Variants in ZXDC observed in about 807,000 individuals in gnomAD.
ZXDC encodes the protein zinc finger protein ZXDC.
A neutral mutation model predicts 63.6 loss-of-function variants in ZXDC; 58 were observed. That is an observed-to-expected ratio of 0.91 (90% confidence interval 0.74 to 1.13). ZXDC has a LOEUF of 1.13. Ranked by LOEUF, ZXDC falls within the 50% of genes most tolerant of loss-of-function variation. ZXDC has a pLI of 0.00. For synonymous variants in ZXDC, 561 were observed against 496.1 expected (o/e 1.13, Z -1.74); for missense variants, 1,133 against 1,148.9 (o/e 0.99, Z 0.20).
chr3:126,451,889 G>A (rs1452492729), intron 7 of ZXDC: 1 of 984,860 alleles, frequency 1.0e-6, no homozygotes, highest in Non-Finnish European at 1.2e-6. Flanking sequence ...ACCTCATAGG[G>A]TTTTTGTGAG....
At position 126,438,272 on chromosome 3, in the gene ZXDC, T is replaced by A. The variant is rs2107623128; in HGVS notation, c.*103A>T. 1.0e-6 allele frequency: 1 copy of A among 970,024 alleles called. No homozygotes were observed. Among genetic ancestry groups the A allele is most frequent in the East Asian group, 2.6e-5 (1 of 38,356 alleles). 60.1% of individuals were successfully genotyped at this position (970,024 alleles called of 1,614,324 possible). ...AGTCTCAAAAGGGCTACGCTGGTCTTCTGAACGGAAACCAAATGAGGTCTC... is the reference window on the plus strand; with the variant it reads ...AGTCTCAAAAGGGCTACGCTGGTCTACTGAACGGAAACCAAATGAGGTCTC... On this transcript the variant is annotated 3_prime_UTR_variant, in exon 10 of 10. Coordinates refer to ENST00000389709, the MANE Select transcript of ZXDC (RefSeq NM_025112.5).
intron 7 of ZXDC, chr3:126,452,985 A>G (rs1934165961): frequency 1.0e-6 from 1 of 982,210 alleles, no homozygotes; most frequent in African/African-American, 1.8e-5. Context: ...CAATACTCCC[A>G]CCTCAGCCTC....
In ZXDC at chr3:126,453,787, C is replaced by T. The variant is rs565603475; in HGVS notation, c.2212+5866G>A. On this transcript the variant is annotated intron_variant, in intron 7 of 9. Transcript: ENST00000389709. ...TTGGCTCACTGCAACCTCTGCCTCC[C>T]GGGTTCAAGCGATTCTCCTGCCTCA... 3.0e-3 allele frequency: 2,928 copies of T among 977,382 alleles called. 5 individuals are homozygous for T. Among genetic ancestry groups the T allele is most frequent in the Non-Finnish European group, 3.4e-3 (2,780 of 823,672 alleles). 60.5% of individuals were successfully genotyped at this position (977,382 alleles called of 1,614,324 possible).
At chr3:126,473,369 G>C (rs1041569693) in intron 1 of ZXDC, among the ~76,000 whole-genome samples, 7 of 152,230 alleles carry the variant, frequency 4.6e-5, no homozygotes, top group Non-Finnish European at 8.8e-5. Context: ...ACTCAGGTCT[G>C]GGCCCTTTGA....
chr3:126,465,414 A>G (rs1934716796), intron 5 of ZXDC, among the ~76,000 whole-genome samples: 1 of 152,250 alleles, frequency 6.6e-6, no homozygotes, highest in Non-Finnish European at 1.5e-5. Flanking sequence ...ACAGGTCACC[A>G]GGCCACCGTC....
intron 6 of ZXDC, chr3:126,460,247 G>GTCTGACTC: frequency 2.8e-6 from 2 of 703,808 alleles, no homozygotes; most frequent in Non-Finnish European, 3.5e-6. Context: ...TCAGGAACTT[G>GTCTGACTC]CCTGAGGGAG....
intron 7 of ZXDC, among the ~76,000 whole-genome samples, chr3:126,449,883 G>A (rs530670080): frequency 1.4e-4 from 22 of 152,344 alleles, no homozygotes; most frequent in African/African-American, 4.8e-4. Context: ...CAAGAAAGGC[G>A]TCAAAGTTAA....
At position 126,475,465 on chromosome 3, in the gene ZXDC, T is replaced by C. The variant is rs899002056; in HGVS notation, c.401A>G (p.Gln134Arg). The change falls in exon 1 of 10, where the codon CAG becomes CGG. Residue 134 changes from glutamine (Q) to arginine (R), a missense_variant. Gln to Arg is a conservative substitution (Grantham distance 43). Coordinates refer to ENST00000389709, the MANE Select transcript of ZXDC (RefSeq NM_025112.5). ...GCGGTCGAGACGCACCAGCAGGTCCTGGCTGCTGATGGTGACGGCGCCCGC... is the reference window on the plus strand; with the variant it reads ...GCGGTCGAGACGCACCAGCAGGTCCCGGCTGCTGATGGTGACGGCGCCCGC... Reference protein sequence around the residue: ...APAGAVTISSQDLLVRLDRGV... With the variant: ...APAGAVTISSRDLLVRLDRGV... 5.5e-5 allele frequency: 66 copies of C among 1,208,936 alleles called. No individual in the cohort carries two copies. Among genetic ancestry groups the C allele is most frequent in the Non-Finnish European group, 6.1e-5 (60 of 975,622 alleles). The allele number at this position is 1,208,936 out of a possible 1,614,324, so 74.9% of individuals were successfully genotyped here. A position where few individuals can be genotyped will look rare whatever the true frequency, so the allele number is the denominator to read the frequency against.
chr3:126,441,995 C>A, intron 7 of ZXDC, 49 bp from the exon 8 acceptor site: 2 of 1,509,352 alleles, frequency 1.3e-6, no homozygotes, highest in South Asian at 2.7e-5. Context: ...ATCTACCAGT[C>A]AGGTCTGCCC....
Position 126,439,963 on chromosome 3 carries a change from C to T in ZXDC, c.2395-236G>A, listed in dbSNP as rs1299740281. On this transcript the variant is annotated intron_variant, in intron 8 of 9. Transcript: ENST00000389709. The stretch of plus-strand genomic sequence containing the variant: ...CCAGCAGCTTTTGCTGGGCCTGGAA[C>T]CTTCTGCTCTCCAGCTCCTCCCCTC... The T allele has an allele frequency of 2.6e-5, 36 of 1,389,104 alleles. No individual in the cohort carries two copies. The Middle Eastern group carries it at 8.0e-4, about 31-fold the overall frequency. 86.0% of individuals were successfully genotyped at this position (1,389,104 alleles called of 1,614,324 possible). A position where few individuals can be genotyped will look rare whatever the true frequency, so the allele number is the denominator to read the frequency against.
chr3:126,441,898 G>T lies in ZXDC; in HGVS notation c.2261C>A (p.Pro754His). 1 of 1,612,440 alleles carries T rather than the reference G, an allele frequency of 6.2e-7. No homozygotes were observed. Among genetic ancestry groups the T allele is most frequent in the East Asian group, 2.2e-5 (1 of 44,802 alleles). Residue 754 changes from proline (P) to histidine (H), a missense_variant, in exon 8 of 10, where the codon CCT (proline) becomes CAT (histidine). By Grantham distance (77) the Pro-to-His change is moderately conservative. Transcript: ENST00000389709. ...GTTCTGGCTTGCATGGAAATGGGGA[G>T]GACTCATTTTGCCTTCTTTTATTTT... is the stretch of plus-strand genomic sequence containing the variant. ...QRKIKEGKMS[P>H]PHFHASQNSW...
At position 126,459,658 on chromosome 3, in the gene ZXDC, T is replaced by A. The variant is rs1295299383; in HGVS notation, c.2207A>T (p.Asn736Ile). Residue 736 changes from asparagine to isoleucine, a missense_variant, in exon 7 of 10, where the codon AAT (asparagine) becomes ATT (isoleucine). Coordinates refer to ENST00000389709, the MANE Select transcript of ZXDC (RefSeq NM_025112.5). ...TGCAGCACACACGGCCTCACCTGCA[T>A]TGCTCCCCGCTCCTCTCTGCTTTTT... Reference protein sequence around the residue: ...KEKKQRGAGSNAGASQSTQRK... With the variant: ...KEKKQRGAGSIAGASQSTQRK... 3.7e-6 allele frequency: 6 copies of A among 1,614,196 alleles called. No individual in the cohort carries two copies. The highest frequency in any genetic ancestry group is 5.1e-6 in the Non-Finnish European group (6 of 1,180,032).
At chr3:126,471,300 A>G (rs777500) in intron 3 of ZXDC, among the ~76,000 whole-genome samples, 92,859 of 152,086 alleles carry the variant, frequency 0.61, 28,910 homozygotes, top group South Asian at 0.74. Context: ...AGAACAGTGG[A>G]GTCCCAAATG....
At position 126,451,433 on chromosome 3, in the gene ZXDC, G is replaced by A. The variant is rs748124678; in HGVS notation, c.2212+8220C>T. The A allele has an allele frequency of 1.0e-5, 10 of 985,298 alleles. No individual in the cohort carries two copies. In the East Asian group the frequency reaches 3.4e-4, roughly 34 times the overall value. The allele number at this position is 985,298 out of a possible 1,614,324, so 61.0% of individuals were successfully genotyped here. ...GCAGCAGCATGTGCAGCTTCACACA[G>A]ATCCCTGGGATTTCCTTGAGATAAA... On this transcript the variant is annotated intron_variant, in intron 7 of 9. Coordinates refer to ENST00000389709, the MANE Select transcript of ZXDC (RefSeq NM_025112.5).
intron 7 of ZXDC, among the ~76,000 whole-genome samples, chr3:126,444,717 C>G (rs1933817362): frequency 6.6e-6 from 1 of 152,052 alleles, no homozygotes; most frequent in South Asian, 2.1e-4. Flanking sequence ...GATTCAATGC[C>G]AAATGTGTAC....
intron 7 of ZXDC, among the ~76,000 whole-genome samples, chr3:126,448,813 C>A (rs55715618): frequency 0.017 from 2,611 of 151,150 alleles, 60 homozygotes; most frequent in African/African-American, 0.057. Flanking sequence ...GGCCCTGCCT[C>A]GCTCCACACA....
chr3:126,461,281 A>G, intron 6 of ZXDC: 1 of 1,291,840 alleles, frequency 7.7e-7, no homozygotes, highest in South Asian at 2.2e-5. Flanking sequence ...ATGGAGCCAC[A>G]GGACTCCAAA....
At chr3:126,462,461 T>G (rs1934597064) in intron 5 of ZXDC, among the ~76,000 whole-genome samples, 1 of 152,160 alleles carries the variant, frequency 6.6e-6, no homozygotes, top group East Asian at 1.9e-4. Flanking sequence ...GTACGCGTCT[T>G]GGATCCTCAG....
At chr3:126,442,041 CATTA>C (rs63288960) in intron 7 of ZXDC, 95 bp from the exon 8 acceptor site, 655,100 of 1,350,818 alleles carry the variant, frequency 0.48, 162,510 homozygotes, top group South Asian at 0.55. Flanking sequence ...ACAGCCTTCC[CATTA>C]ATTGTCATTC....
Sources: gnomAD v4.1 joint callset for allele counts (sites outside exome capture counted in the v4.1 genomes callset) on GRCh38, gnomAD v4.1.1 for gene constraint, MANE v1.5 for transcripts, NCBI Gene and HGNC (gene_info 2026-07-23, HGNC 2026-07-21) for gene names.